RNF150: variants seen among roughly 807,000 people sequenced by gnomAD.
The protein encoded by RNF150 is ring finger protein 150.
A neutral mutation model predicts 39.3 loss-of-function variants in RNF150; 24 were observed. The observed-to-expected ratio is 0.61, with a 90% CI of 0.44 to 0.86. RNF150 has a LOEUF of 0.86. Ranked by LOEUF, RNF150 falls within the 40% of genes least tolerant of loss-of-function variation. The probability of loss-of-function intolerance (pLI) is 0.00; values close to 1 mark genes in which losing one functional copy is unlikely to be tolerated. For missense variants in RNF150, 502 were observed against 587.8 expected, an observed-to-expected ratio of 0.85 and a Z score of 1.51; for synonymous variants, 255 against 227.3, an observed-to-expected ratio of 1.12 and a Z score of -1.10.
chr4:141,188,486 A>G (rs1006605173), intron 1 of RNF150, among the ~76,000 whole-genome samples: 13 of 152,066 alleles, frequency 8.5e-5, no homozygotes, highest in African/African-American at 3.1e-4. Flanking sequence ...AGGTACACCA[A>G]CCAATCGTAG....
chr4:140,916,711 A>G (rs1730847816), intron 5 of RNF150, among the ~76,000 whole-genome samples: 1 of 152,158 alleles, frequency 6.6e-6, no homozygotes, highest in Non-Finnish European at 1.5e-5. Context: ...GATACTCCTC[A>G]AGAAGAGCAA....
At position 140,860,908 on chromosome 4, in the gene RNF150, A is replaced by C. The variant is rs1267563959; in HGVS notation, c.*7353T>G. On this transcript the variant is annotated 3_prime_UTR_variant, in exon 7 of 7. Coordinates refer to ENST00000515673, the MANE Select transcript of RNF150 (RefSeq NM_020724.2). ...GTTTCCCCTGGAAACCAGAATAATCATCCTCCCAGCTCATGAACATTTTAA... is the reference window on the plus strand; with the variant it reads ...GTTTCCCCTGGAAACCAGAATAATCCTCCTCCCAGCTCATGAACATTTTAA... 1 of 152,112 alleles carries C rather than the reference A, an allele frequency of 6.6e-6. No individual in the cohort carries two copies. The highest frequency in any genetic ancestry group is 2.4e-5 in the African/African-American group (1 of 41,436). 9.4% of individuals were successfully genotyped at this position (152,112 alleles called of 1,614,324 possible). A position where few individuals can be genotyped will look rare whatever the true frequency, so the allele number is the denominator to read the frequency against.
intron 1 of RNF150, among the ~76,000 whole-genome samples, chr4:140,969,891 G>A (rs1222202196): frequency 6.7e-6 from 1 of 149,448 alleles, no homozygotes; most frequent in Non-Finnish European, 1.5e-5. Flanking sequence ...AGCCTCCCAA[G>A]TAGCTGGGAC....
At chr4:140,893,468 C>G (rs1347746730) in intron 6 of RNF150, among the ~76,000 whole-genome samples, 2 of 152,328 alleles carry the variant, frequency 1.3e-5, no homozygotes, top group South Asian at 2.1e-4. Context: ...GGCAAAACCA[C>G]AGAGTAGGCT....
At chr4:141,016,676 C>G (rs1408006636) in intron 1 of RNF150, among the ~76,000 whole-genome samples, 1 of 152,174 alleles carries the variant, frequency 6.6e-6, no homozygotes, top group Admixed American at 6.5e-5. Context: ...GGACATTTCT[C>G]AATTTTTCAT....
At chr4:141,149,683 G>A (rs933245329) in intron 1 of RNF150, among the ~76,000 whole-genome samples, 1 of 152,138 alleles carries the variant, frequency 6.6e-6, no homozygotes, top group African/African-American at 2.4e-5. Context: ...AATTGCAGTT[G>A]TGCTGCTATA....
chr4:140,950,012 A>T (rs1188005617), intron 2 of RNF150, among the ~76,000 whole-genome samples: 2 of 152,214 alleles, frequency 1.3e-5, no homozygotes, highest in Non-Finnish European at 2.9e-5. Context: ...ATAATATATC[A>T]TTCTCTCCCC....
At chr4:140,898,436 T>G (rs527533739) in intron 6 of RNF150, among the ~76,000 whole-genome samples, 1 of 152,334 alleles carries the variant, frequency 6.6e-6, no homozygotes, top group Admixed American at 6.5e-5. Context: ...CTGAGTAACA[T>G]GTATGTATGC....
chr4:141,172,967 A>G (rs1727755082), intron 1 of RNF150, among the ~76,000 whole-genome samples: 1 of 152,164 alleles, frequency 6.6e-6, no homozygotes, highest in Non-Finnish European at 1.5e-5. Context: ...CCGAGGGTGC[A>G]GTGAGCCAAG....
chr4:140,996,413 T>C (rs1734379308), intron 1 of RNF150, among the ~76,000 whole-genome samples: 1 of 152,176 alleles, frequency 6.6e-6, no homozygotes, highest in African/African-American at 2.4e-5. Context: ...TCAGCACTAC[T>C]AAATGTTAAG....
chr4:141,134,906 A>G (rs2111117445), upstream of RNF150, among the ~76,000 whole-genome samples: 1 of 152,278 alleles, frequency 6.6e-6, no homozygotes, highest in African/African-American at 2.4e-5. Flanking sequence ...AGTCTTCTTT[A>G]TCGCTTAGCA....
intron 2 of RNF150, among the ~76,000 whole-genome samples, chr4:140,959,616 C>T (rs13127505): frequency 0.092 from 13,978 of 152,104 alleles, 767 homozygotes; most frequent in East Asian, 0.15. Flanking sequence ...AAACAAGCAT[C>T]GCGAGTGAAG....
intron 6 of RNF150, among the ~76,000 whole-genome samples, chr4:140,870,914 G>A (rs1560941100): frequency 6.6e-6 from 1 of 151,026 alleles, no homozygotes; most frequent in African/African-American, 2.4e-5. Context: ...ACTGGGAGTG[G>A]CTTCATATGG....
At chr4:141,162,608 G>T (rs1016104981) in intron 1 of RNF150, among the ~76,000 whole-genome samples, 1 of 151,988 alleles carries the variant, frequency 6.6e-6, no homozygotes, top group Non-Finnish European at 1.5e-5. Flanking sequence ...GAGGTACAAG[G>T]CTCATCCCAT....
rs2321684 is a variant in RNF150, at chr4:140,865,079, T to C, written c.*3182A>G. On this transcript the variant is annotated 3_prime_UTR_variant, in exon 7 of 7. Coordinates refer to ENST00000515673, the MANE Select transcript of RNF150 (RefSeq NM_020724.2). ...GGAACTCTAGACCTGCATTGTCCAATTGGCAGCCACTAGCCACATGTGACT... is the reference window on the plus strand; with the variant it reads ...GGAACTCTAGACCTGCATTGTCCAACTGGCAGCCACTAGCCACATGTGACT... 97,579 of 151,964 alleles carry C rather than the reference T, an allele frequency of 0.64. 31,866 individuals carry two copies. The highest frequency in any genetic ancestry group is 0.71 in the Admixed American group (10,809 of 15,298). The allele number at this position is 151,964 out of a possible 1,614,324, so 9.4% of individuals were successfully genotyped here.
At chr4:140,900,533 C>T (rs1335769566) in intron 6 of RNF150, among the ~76,000 whole-genome samples, 2 of 152,158 alleles carry the variant, frequency 1.3e-5, no homozygotes, top group Admixed American at 1.3e-4. Flanking sequence ...CCATTCTGCT[C>T]AGGAACTAAA....
At chr4:140,959,957 G>T (rs1281981021) in intron 2 of RNF150, among the ~76,000 whole-genome samples, 2 of 152,138 alleles carry the variant, frequency 1.3e-5, no homozygotes, top group African/African-American at 4.8e-5. Flanking sequence ...GACAATTTTA[G>T]TGTCATCTGT....
At chr4:141,011,084 A>G (rs1168993362) in intron 1 of RNF150, among the ~76,000 whole-genome samples, 1 of 152,160 alleles carries the variant, frequency 6.6e-6, no homozygotes, top group Non-Finnish European at 1.5e-5. Context: ...ATTATTAAAC[A>G]AAATTTTCGT....
At chr4:141,174,776 G>A (rs529258162) in intron 1 of RNF150, among the ~76,000 whole-genome samples, 1 of 151,050 alleles carries the variant, frequency 6.6e-6, no homozygotes, top group Non-Finnish European at 1.5e-5. Context: ...ACACAGGCCA[G>A]AAAATCTAGG....
Sources: allele counts gnomAD v4.1 joint callset (sites outside exome capture counted in the v4.1 genomes callset), GRCh38; gene constraint gnomAD v4.1.1; transcripts MANE v1.5; gene names NCBI Gene and HGNC (gene_info 2026-07-23, HGNC 2026-07-21).